CACNA1A: variants seen among roughly 807,000 people sequenced by gnomAD.
CACNA1A encodes voltage-dependent P/Q-type calcium channel subunit alpha-1A.
A neutral mutation model predicts 262.4 loss-of-function variants in CACNA1A; 57 were observed. The ratio of observed to expected loss-of-function variants is 0.22; its 90% CI spans 0.18 to 0.27. CACNA1A has a LOEUF of 0.27. Ranked by LOEUF, CACNA1A falls within the 10% of genes least tolerant of loss-of-function variation. The probability of loss-of-function intolerance (pLI) is 1.00; values close to 1 mark genes in which losing one functional copy is unlikely to be tolerated. For missense variants in CACNA1A, 2,526 were observed against 3,562.8 expected (o/e 0.71, Z 7.41); for synonymous variants, 1,431 against 1,419.3 (o/e 1.01, Z -0.18).
At chr19:13,208,647 C>A (rs2054670974) in intron 46 of CACNA1A, 109 bp downstream of exon 46, 3 of 1,356,482 alleles carry the variant, frequency 2.2e-6, no homozygotes, top group Non-Finnish European at 2.9e-6. Flanking sequence ...GTGGTCACAG[C>A]CGGGATCCGG....
At chr19:13,442,111 G>A (rs556411305) in intron 3 of CACNA1A, among the ~76,000 whole-genome samples, 3 of 152,246 alleles carry the variant, frequency 2.0e-5, no homozygotes, top group African/African-American at 4.8e-5. Context: ...TCCAACTTCC[G>A]CTCCTTGAGT....
At chr19:13,499,954 G>A (rs555156421) in intron 1 of CACNA1A, among the ~76,000 whole-genome samples, 1 of 152,170 alleles carries the variant, frequency 6.6e-6, no homozygotes, top group East Asian at 1.9e-4. Context: ...TTGCTACTGG[G>A]GGGGAAACAG....
At chr19:13,287,629 G>A (rs1295700474) in intron 19 of CACNA1A, among the ~76,000 whole-genome samples, 1 of 151,952 alleles carries the variant, frequency 6.6e-6, no homozygotes, top group African/African-American at 2.4e-5. Flanking sequence ...AGCCTCCTGA[G>A]TAGCTGGGAT....
At chr19:13,386,449 C>A (rs993243872) in intron 3 of CACNA1A, among the ~76,000 whole-genome samples, 2 of 152,194 alleles carry the variant, frequency 1.3e-5, no homozygotes, top group South Asian at 4.2e-4. Context: ...TGGCCGGATG[C>A]TTTTGTGTCT....
intron 4 of CACNA1A, 49 bp from the exon 5 acceptor site, chr19:13,365,518 C>A (rs1334809340): frequency 1.9e-6 from 3 of 1,553,518 alleles, no homozygotes; most frequent in Non-Finnish European, 2.6e-6. Flanking sequence ...CAAGTACCCC[C>A]AAACCCCGCC....
intron 1 of CACNA1A, among the ~76,000 whole-genome samples, chr19:13,499,788 T>G (rs865827505): frequency 1.3e-5 from 2 of 152,082 alleles, no homozygotes; most frequent in African/African-American, 4.8e-5. Context: ...CTGCCCTCTT[T>G]CAGAGCAGGC....
intron 1 of CACNA1A, 144 bp from the exon 2 acceptor site, chr19:13,455,356 G>C (rs780193016): frequency 1.4e-5 from 8 of 562,838 alleles, no homozygotes; most frequent in Non-Finnish European, 2.6e-5. Flanking sequence ...TCGTTCTCCT[G>C]TCTGGAGTAG....
intron 1 of CACNA1A, among the ~76,000 whole-genome samples, chr19:13,489,502 C>T (rs943794704): frequency 3.9e-5 from 6 of 152,124 alleles, no homozygotes; most frequent in African/African-American, 1.4e-4. Flanking sequence ...GTTGCCCAGC[C>T]TGCTCTCAAA....
chr19:13,455,887 AAG>A (rs1568662731), intron 1 of CACNA1A, among the ~76,000 whole-genome samples: 1 of 150,742 alleles, frequency 6.6e-6, no homozygotes, highest in Non-Finnish European at 1.5e-5. Context: ...AAAAAAAAAA[AAG>A]AGATAAATTA....
At chr19:13,319,526 C>A (rs1459115161) in intron 10 of CACNA1A, among the ~76,000 whole-genome samples, 1 of 152,124 alleles carries the variant, frequency 6.6e-6, no homozygotes, top group Non-Finnish European at 1.5e-5. Flanking sequence ...CAAAACCACC[C>A]CACTTGCCAG....
intron 30 of CACNA1A, 29 bp from the exon 31 acceptor site, chr19:13,245,294 G>GC: frequency 3.2e-6 from 5 of 1,583,298 alleles, no homozygotes; most frequent in Non-Finnish European, 4.3e-6. Context: ...AGACAGAGAT[G>GC]CCAACAGAGG....
At chr19:13,409,537 G>T (rs8102672) in intron 3 of CACNA1A, among the ~76,000 whole-genome samples, 48,215 of 151,732 alleles carry the variant, frequency 0.32, 11,509 homozygotes, top group African/African-American at 0.66. Flanking sequence ...ATAATAATAA[G>T]AAGAAGAAGA....
At position 13,235,784 on chromosome 19, in the gene CACNA1A, G is replaced by A. The variant is rs1480289214; in HGVS notation, c.4951-54C>T. On this transcript the variant is annotated intron_variant, in intron 31 of 46. Transcript: ENST00000360228. ...ATCCACCCACCCCAAAAGGCTCAGA[G>A]CTGTCACCACTCACAGAGGCCCCTA... 6 of 1,307,404 alleles carry A rather than the reference G, an allele frequency of 4.6e-6. No individual in the cohort carries two copies. The East Asian group carries it at 1.4e-4, about 30-fold the overall frequency. The allele number at this position is 1,307,404 out of a possible 1,614,324, so 81.0% of individuals were successfully genotyped here.
In CACNA1A at chr19:13,346,880, A is replaced by G. The variant is rs146055660; in HGVS notation, c.979-10971T>C. 3.6e-4 allele frequency among the ~76,000 whole-genome samples: 53 copies of G among 149,148 alleles called. 1 individual carries two copies. In the East Asian group the frequency reaches 0.011, roughly 30 times the overall value. On this transcript the variant is annotated intron_variant, in intron 6 of 46. Coordinates refer to ENST00000360228, the MANE Select transcript of CACNA1A (RefSeq NM_001127222.2). ...ATTTTAGTAGAGACGGGGTTTCACCATGTAGCCTAGGGTGGTCTTGCACTC... is the reference window on the plus strand; with the variant it reads ...ATTTTAGTAGAGACGGGGTTTCACCGTGTAGCCTAGGGTGGTCTTGCACTC...
At chr19:13,402,664 C>A (rs536609444) in intron 3 of CACNA1A, among the ~76,000 whole-genome samples, 1 of 148,330 alleles carries the variant, frequency 6.7e-6, no homozygotes, top group Non-Finnish European at 1.5e-5. Flanking sequence ...ATAAAACATT[C>A]AATTATAATT....
intron 1 of CACNA1A, among the ~76,000 whole-genome samples, chr19:13,467,058 A>T (rs75309112): frequency 0.02 from 3,062 of 152,174 alleles, 102 homozygotes; most frequent in African/African-American, 0.069. Flanking sequence ...ATGTTTTAAT[A>T]AAAGCTGGAG....
intron 3 of CACNA1A, among the ~76,000 whole-genome samples, chr19:13,386,562 G>T (rs1312416334): frequency 6.6e-6 from 1 of 152,150 alleles, no homozygotes; most frequent in Non-Finnish European, 1.5e-5. Context: ...GCCGAGGCAG[G>T]TGCATCACCT....
At chr19:13,331,676 T>TG (rs2058471222) in intron 9 of CACNA1A, among the ~76,000 whole-genome samples, 1 of 151,858 alleles carries the variant, frequency 6.6e-6, no homozygotes, top group Non-Finnish European at 1.5e-5. Flanking sequence ...CTAAATTCTT[T>TG]TTTTTTCTTT....
chr19:13,272,947 T>C (rs1187302165), intron 24 of CACNA1A: 3 of 152,154 alleles, frequency 2.0e-5, no homozygotes, highest in East Asian at 1.9e-4. Flanking sequence ...GGGAGAAAAG[T>C]ATATTTTATT....
Sources: allele counts gnomAD v4.1 joint callset (sites outside exome capture counted in the v4.1 genomes callset), GRCh38; gene constraint gnomAD v4.1.1; transcripts MANE v1.5; gene names NCBI Gene and HGNC (gene_info 2026-07-23, HGNC 2026-07-21).